ARHGEF9: variants seen among roughly 807,000 people sequenced by gnomAD.
ARHGEF9 encodes rho guanine nucleotide exchange factor 9.
A neutral mutation model predicts 41.3 loss-of-function variants in ARHGEF9; 2 were observed. That is an observed-to-expected ratio of 0.05 (90% confidence interval 0.02 to 0.15). The LOEUF (loss-of-function observed/expected upper bound fraction) is 0.15, where lower values mean the gene tolerates loss of function less well. Ranked by LOEUF, ARHGEF9 falls within the 10% of genes least tolerant of loss-of-function variation. ARHGEF9 has a pLI of 1.00. For synonymous variants in ARHGEF9, 160 were observed against 154.4 expected, an observed-to-expected ratio of 1.04 and a Z score of -0.27; for missense variants, 225 against 424.7, an observed-to-expected ratio of 0.53 and a Z score of 4.13.
intron 8 of ARHGEF9, among the ~76,000 whole-genome samples, chrX:63,647,625 C>T (rs1198464885): frequency 1.8e-5 from 2 of 111,176 alleles, no homozygotes; most frequent in Non-Finnish European, 3.8e-5. Flanking sequence ...CTGCTGGATT[C>T]GGTTTGCCAG....
chrX:63,748,553 A>C (rs1340228402), intron 1 of ARHGEF9, among the ~76,000 whole-genome samples: 4 of 112,048 alleles, frequency 3.6e-5, no homozygotes, highest in Non-Finnish European at 7.5e-5. Context: ...GAAGTGGCCA[A>C]CTTCACAAGA....
intron 2 of ARHGEF9, chrX:63,722,947 A>G (rs2053725932): frequency 9.0e-6 from 1 of 111,626 alleles, no homozygotes; most frequent in Non-Finnish European, 1.9e-5. Flanking sequence ...CTCATGATAG[A>G]AGGGAATGAG....
rs145447946 is a variant in ARHGEF9, at chrX:63,686,324, A to G, written c.583-7752T>C. Reference sequence around the variant, plus strand: ...TGGGGGTGCTAAAAAATTTGAACACATGGAGGTAGAGGGTGGAAAAATAAC... The same window carrying G: ...TGGGGGTGCTAAAAAATTTGAACACGTGGAGGTAGAGGGTGGAAAAATAAC... On this transcript the variant is annotated intron_variant, in intron 4 of 9. Transcript: ENST00000671741. Among the ~76,000 whole-genome samples, 81 of 111,581 alleles carry G rather than the reference A, an allele frequency of 7.3e-4. No individual in the cohort carries two copies. In the East Asian group the frequency reaches 0.014, roughly 19 times the overall value.
At chrX:63,778,245 C>A (rs1168492838) in intron 1 of ARHGEF9, among the ~76,000 whole-genome samples, 2 of 112,587 alleles carry the variant, frequency 1.8e-5, no homozygotes, top group African/African-American at 6.5e-5. Flanking sequence ...CCTGCCACGG[C>A]TTGGGGCTTG....
chrX:63,755,159 G>A lies in ARHGEF9; in HGVS notation c.30+29957C>T, dbSNP rs1184810933. Reference sequence around the variant, plus strand: ...CCCATAGGCTGCCTTTTTATTCACCGAGCGACTGCGGGCGCTTGCGTGAGG... The same window carrying A: ...CCCATAGGCTGCCTTTTTATTCACCAAGCGACTGCGGGCGCTTGCGTGAGG... On this transcript the variant is annotated intron_variant, in intron 1 of 9. Coordinates refer to ENST00000671741, the MANE Select transcript of ARHGEF9 (RefSeq NM_001353921.2). The A allele has an allele frequency of 5.3e-6, 5 of 937,308 alleles. No individual in the cohort carries two copies. The African/African-American group carries it at 1.0e-4, about 19-fold the overall frequency. The allele number at this position is 937,308 out of a possible 1,213,427, so 77.2% of individuals were successfully genotyped here.
At position 63,761,662 on chromosome X, in the gene ARHGEF9, T is replaced by C. The variant is rs782346139; in HGVS notation, c.30+23454A>G. The stretch of plus-strand genomic sequence containing the variant: ...CAGTTTGAGAATTTCAAGATCTCTT[T>C]AGTTTTCTGTTCTCCGATGACATAG... On this transcript the variant is annotated intron_variant, in intron 1 of 9. Coordinates refer to ENST00000671741, the MANE Select transcript of ARHGEF9 (RefSeq NM_001353921.2). Among the ~76,000 whole-genome samples, 20 of 111,687 alleles carry C rather than the reference T, an allele frequency of 1.8e-4. 1 individual carries two copies. Among genetic ancestry groups the C allele is most frequent in the Admixed American group, 4.7e-4 (5 of 10,539 alleles).
chrX:63,685,935 G>A (rs1395630036), intron 4 of ARHGEF9, among the ~76,000 whole-genome samples: 2 of 111,416 alleles, frequency 1.8e-5, no homozygotes, highest in South Asian at 7.4e-4. Context: ...AAAATAAAGC[G>A]ATAAACTGGA....
chrX:63,776,928 A>G (rs1556458897), intron 1 of ARHGEF9, among the ~76,000 whole-genome samples: 1 of 111,283 alleles, frequency 9.0e-6, no homozygotes, highest in Non-Finnish European at 1.9e-5. Flanking sequence ...AGATATCTAC[A>G]ATGTAAGATT....
At chrX:63,780,350 G>T (rs1265992459) in intron 1 of ARHGEF9, among the ~76,000 whole-genome samples, 4 of 111,278 alleles carry the variant, frequency 3.6e-5, no homozygotes, top group African/African-American at 1.3e-4. Context: ...CATCTGGAGA[G>T]ATGGCCACCG....
chrX:63,753,691 G>C (rs1602713572), intron 1 of ARHGEF9, among the ~76,000 whole-genome samples: 1 of 111,195 alleles, frequency 9.0e-6, no homozygotes, highest in Admixed American at 9.5e-5. Flanking sequence ...ACTATTTCAT[G>C]ATTCCAAGGA....
At chrX:63,686,629 A>G (rs1462912644) in intron 4 of ARHGEF9, among the ~76,000 whole-genome samples, 2 of 111,908 alleles carry the variant, frequency 1.8e-5, no homozygotes, top group Non-Finnish European at 3.8e-5. Flanking sequence ...TCTGCAAATA[A>G]CTTATCTGAC....
intron 2 of ARHGEF9, among the ~76,000 whole-genome samples, chrX:63,716,457 A>T (rs1237605291): frequency 4.5e-5 from 5 of 111,475 alleles, no homozygotes; most frequent in Admixed American, 9.5e-5. Flanking sequence ...CCTTATGCAT[A>T]AGTTTTCACA....
intron 1 of ARHGEF9, among the ~76,000 whole-genome samples, chrX:63,784,512 C>T (rs1369567026): frequency 1.8e-5 from 2 of 112,396 alleles, no homozygotes; most frequent in African/African-American, 6.5e-5. Flanking sequence ...CTTGACAAAG[C>T]CCCAAGTGTG....
At position 63,635,635 on chromosome X, in the gene ARHGEF9, A is replaced by C; in HGVS notation, c.*2393T>G. 2.8e-6 allele frequency: 1 copy of C among 356,390 alleles called. No individual in the cohort carries two copies. Among genetic ancestry groups the C allele is most frequent in the Admixed American group, 5.8e-5 (1 of 17,155 alleles). The allele number at this position is 356,390 out of a possible 1,213,427, so 29.4% of individuals were successfully genotyped here. A position where few individuals can be genotyped will look rare whatever the true frequency, so the allele number is the denominator to read the frequency against. ...GGCATCAGGTGATGCCAGTGGGTTC[A>C]GTAGAGGAGAAGTGCGGGTTGAGAA... On this transcript the variant is annotated 3_prime_UTR_variant, in exon 10 of 10. Coordinates refer to ENST00000671741, the MANE Select transcript of ARHGEF9 (RefSeq NM_001353921.2).
chrX:63,675,961 C>T (rs1416165168), intron 5 of ARHGEF9, among the ~76,000 whole-genome samples: 2 of 111,992 alleles, frequency 1.8e-5, no homozygotes, highest in African/African-American at 6.5e-5. Context: ...TCTGCTTAAT[C>T]TCTCAGTACC....
At chrX:63,672,316 T>C (rs1245353269) in intron 6 of ARHGEF9, among the ~76,000 whole-genome samples, 1 of 109,677 alleles carries the variant, frequency 9.1e-6, no homozygotes, top group Non-Finnish European at 1.9e-5. Flanking sequence ...TATTTTGTTA[T>C]AGCAGCCTGA....
At chrX:63,654,497 T>G (rs782467206) in intron 8 of ARHGEF9, among the ~76,000 whole-genome samples, 1 of 111,891 alleles carries the variant, frequency 8.9e-6, no homozygotes, top group South Asian at 3.7e-4. Context: ...CCAATGAGAC[T>G]CAAAGTGAGT....
At chrX:63,706,582 A>T (rs1556402429) in intron 2 of ARHGEF9, 133 bp from the exon 3 acceptor site, 1 of 762,564 alleles carries the variant, frequency 1.3e-6, no homozygotes, top group South Asian at 2.6e-5. Context: ...TGCAAGTAGA[A>T]TTCGAAACCT....
Position 63,638,268 on chromosome X carries a change from A to T in ARHGEF9, c.1391-59T>A, listed in dbSNP as rs1253421198. 14 of 1,062,197 alleles carry T rather than the reference A, an allele frequency of 1.3e-5. No homozygotes were observed. The Admixed American group carries it at 3.7e-4, about 28-fold the overall frequency. 87.5% of individuals were successfully genotyped at this position (1,062,197 alleles called of 1,213,427 possible). Reference sequence around the variant, plus strand: ...TAAGTTATGTAACAAAGGGCTTCTCAAATTACCCAGTGACCACTCTGGGCA... The same window carrying T: ...TAAGTTATGTAACAAAGGGCTTCTCTAATTACCCAGTGACCACTCTGGGCA... On this transcript the variant is annotated intron_variant, in intron 9 of 9. Coordinates refer to ENST00000671741, the MANE Select transcript of ARHGEF9 (RefSeq NM_001353921.2).
Sources: allele counts gnomAD v4.1 joint callset (sites outside exome capture counted in the v4.1 genomes callset), GRCh38; gene constraint gnomAD v4.1.1; transcripts MANE v1.5; gene names NCBI Gene and HGNC (gene_info 2026-07-23, HGNC 2026-07-21).